The following DAB1 variants were observed in gnomAD, a reference collection of about 807,000 sequenced individuals.
DAB1 encodes the protein DAB adaptor protein 1.
DAB1 carries 15 observed loss-of-function variants against 64.6 expected under a neutral mutation model. The ratio of observed to expected loss-of-function variants is 0.23; its 90% confidence interval spans 0.16 to 0.36. The LOEUF is 0.36. Among genes scored for constraint, DAB1 ranks in the 10% least tolerant of loss-of-function variants. The pLI, the probability that DAB1 is intolerant of heterozygous loss-of-function variation, is 1.00. For missense variants in DAB1, 596 were observed against 706.7 expected (o/e 0.84, Z 1.78); for synonymous variants, 235 against 251.9 (o/e 0.93, Z 0.64).
rs267652 is a variant in DAB1, at chr1:57,331,679, A to G, written c.-136-40513T>C. 8.9e-3 allele frequency among the ~76,000 whole-genome samples: 1,352 copies of G among 152,342 alleles called. 24 individuals carry two copies. Among genetic ancestry groups the G allele is most frequent in the African/African-American group, 0.03 (1,260 of 41,580 alleles). Reference sequence around the variant, plus strand: ...GGAGGCAAAGAAGATACAGATGAACATTCCTGAGAAAGGCTTTCTTCCTTT... The same window carrying G: ...GGAGGCAAAGAAGATACAGATGAACGTTCCTGAGAAAGGCTTTCTTCCTTT... On this transcript the variant is annotated intron_variant, in intron 1 of 14. Coordinates refer to ENST00000371236, the MANE Select transcript of DAB1 (RefSeq NM_001365792.1).
intron 3 of DAB1, among the ~76,000 whole-genome samples, chr1:58,359,729 T>A (rs17117407): frequency 0.083 from 12,664 of 152,272 alleles, 599 homozygotes; most frequent in East Asian, 0.21. Context: ...ATGGCAGTAG[T>A]ATGGTTATTT....
chr1:58,508,876 T>G (rs1184159311), intron 2 of DAB1, among the ~76,000 whole-genome samples: 2 of 150,728 alleles, frequency 1.3e-5, no homozygotes, highest in African/African-American at 2.5e-5. Context: ...GTGTCCAACA[T>G]TCTAACATTT....
intron 4 of DAB1, among the ~76,000 whole-genome samples, chr1:58,272,683 G>C (rs1168698285): frequency 6.7e-6 from 1 of 149,518 alleles, no homozygotes; most frequent in Admixed American, 6.7e-5. Flanking sequence ...GGTCACTCAC[G>C]ACTTGCTTTA....
chr1:57,039,166 C>T (rs1295159936), intron 9 of DAB1, among the ~76,000 whole-genome samples: 1 of 152,134 alleles, frequency 6.6e-6, no homozygotes, highest in Non-Finnish European at 1.5e-5. Flanking sequence ...ACTGGCATTT[C>T]CTTGAATAAA....
intron 3 of DAB1, among the ~76,000 whole-genome samples, chr1:58,349,186 G>T (rs1215308269): frequency 6.6e-6 from 1 of 152,158 alleles, no homozygotes; most frequent in African/African-American, 2.4e-5. Flanking sequence ...GAGCTCCTGG[G>T]TTGCTCCACA....
At chr1:57,835,386 A>G (rs1361339448) in intron 1 of DAB1, among the ~76,000 whole-genome samples, 2 of 152,330 alleles carry the variant, frequency 1.3e-5, no homozygotes, top group African/African-American at 4.8e-5. Context: ...AAACTGACTC[A>G]TTGAAAAATT....
intron 9 of DAB1, among the ~76,000 whole-genome samples, chr1:57,040,625 A>G (rs897801237): frequency 6.6e-6 from 1 of 152,200 alleles, no homozygotes; most frequent in Non-Finnish European, 1.5e-5. Flanking sequence ...GAACAAACAG[A>G]TATGCACAGG....
At chr1:58,051,113 T>A (rs1647628233) in intron 5 of DAB1, among the ~76,000 whole-genome samples, 1 of 152,186 alleles carries the variant, frequency 6.6e-6, no homozygotes, top group African/African-American at 2.4e-5. Context: ...GTTTGATACA[T>A]ATGTATATAT....
chr1:58,492,090 A>G (rs1255298852), intron 3 of DAB1, among the ~76,000 whole-genome samples: 5 of 152,266 alleles, frequency 3.3e-5, no homozygotes, highest in African/African-American at 1.2e-4. Context: ...CAATCAAACT[A>G]GAACTCAGGA....
chr1:57,594,298 T>C (rs1218584353), intron 7 of DAB1, among the ~76,000 whole-genome samples: 5 of 152,232 alleles, frequency 3.3e-5, no homozygotes, highest in Non-Finnish European at 7.3e-5. Context: ...TTTTCAAGGC[T>C]GCCTTAGGCT....
At chr1:58,346,703 A>G (rs1234886659) in intron 3 of DAB1, among the ~76,000 whole-genome samples, 1 of 152,228 alleles carries the variant, frequency 6.6e-6, no homozygotes, top group Non-Finnish European at 1.5e-5. Flanking sequence ...TACAAATAAT[A>G]TCATTCCACT....
chr1:57,130,389 C>T (rs1306053090), intron 4 of DAB1, among the ~76,000 whole-genome samples: 3 of 151,990 alleles, frequency 2.0e-5, no homozygotes, highest in Non-Finnish European at 4.4e-5. Flanking sequence ...TACCTTATGA[C>T]CCAGAAATCC....
intron 1 of DAB1, among the ~76,000 whole-genome samples, chr1:57,386,366 G>GAAAAA (rs5774342): frequency 7.9e-5 from 9 of 113,446 alleles, no homozygotes; most frequent in African/African-American, 1.3e-4. Context: ...GGCCCCTTGG[G>GAAAAA]AAAAAAAAAA....
At chr1:58,245,781 A>G (rs899078185) in intron 4 of DAB1, among the ~76,000 whole-genome samples, 5 of 152,148 alleles carry the variant, frequency 3.3e-5, no homozygotes, top group African/African-American at 7.2e-5. Context: ...TTTAAACCCA[A>G]CTAGTATTCG....
chr1:57,141,608 A>T (rs572327827), intron 3 of DAB1, among the ~76,000 whole-genome samples: 1 of 152,202 alleles, frequency 6.6e-6, no homozygotes, highest in East Asian at 1.9e-4. Context: ...AAGTATCCTC[A>T]TCTGGTCTTT....
intron 1 of DAB1, among the ~76,000 whole-genome samples, chr1:57,386,113 G>A (rs960057065): frequency 1.3e-5 from 2 of 152,088 alleles, no homozygotes; most frequent in Non-Finnish European, 2.9e-5. Flanking sequence ...GTTGCTGTTG[G>A]GGTTAGGTGA....
chr1:57,201,600 C>T (rs1665105000), intron 2 of DAB1, among the ~76,000 whole-genome samples: 1 of 152,112 alleles, frequency 6.6e-6, no homozygotes, highest in Non-Finnish European at 1.5e-5. Flanking sequence ...TGCAAAAACA[C>T]ACGCCAAGAT....
At chr1:57,019,252 T>C (rs1239604687) in intron 11 of DAB1, among the ~76,000 whole-genome samples, 1 of 152,200 alleles carries the variant, frequency 6.6e-6, no homozygotes, top group Non-Finnish European at 1.5e-5. Flanking sequence ...AGTCAATACA[T>C]TCACTGCATT....
rs3820575 is a variant in DAB1 at position 57,075,926 on chromosome 1, G to C, written c.307-3512C>G. On this transcript the variant is annotated intron_variant, in intron 4 of 14. Coordinates refer to ENST00000371236, the MANE Select transcript of DAB1 (RefSeq NM_001365792.1). ...TGGGATGAGGAAGGCAAGGGAAGAAGAGAACTGGGTAAGGGGAGAGAACTG... is the reference window on the plus strand; with the variant it reads ...TGGGATGAGGAAGGCAAGGGAAGAACAGAACTGGGTAAGGGGAGAGAACTG... Among the ~76,000 whole-genome samples the C allele has an allele frequency of 5.3e-5, 8 of 152,328 alleles. No individual in the cohort carries two copies. The East Asian group carries it at 1.5e-3, about 29-fold the overall frequency.
Sources: allele counts gnomAD v4.1 joint callset (sites outside exome capture counted in the v4.1 genomes callset), GRCh38; gene constraint gnomAD v4.1.1; transcripts MANE v1.5; gene names NCBI Gene and HGNC (gene_info 2026-07-23, HGNC 2026-07-21).